Variants in MGAT4C observed in about 807,000 individuals in gnomAD.
The protein encoded by MGAT4C is MGAT4 family member C.
Under a neutral mutation model 40.1 loss-of-function variants are expected in MGAT4C, and 19 were observed. The observed-to-expected ratio is 0.47, with a 90% confidence interval of 0.33 to 0.70. The LOEUF (loss-of-function observed/expected upper bound fraction) is 0.70. Among genes scored for constraint, MGAT4C ranks in the 30% least tolerant of loss-of-function variants. The probability of loss-of-function intolerance (pLI) is 0.02; values close to 1 mark genes in which losing one functional copy is unlikely to be tolerated. For missense variants in MGAT4C, 491 were observed against 563.2 expected (o/e 0.87, Z 1.30); for synonymous variants, 181 against 187.1 (o/e 0.97, Z 0.27).
chr12:86,638,871 A>G (rs1963298928), intron 2 of MGAT4C, among the ~76,000 whole-genome samples: 1 of 151,804 alleles, frequency 6.6e-6, no homozygotes, highest in Admixed American at 6.6e-5. Flanking sequence ...AACTTTTATA[A>G]TAGCATTCAT....
At chr12:86,409,661 T>C (rs1956563495) in intron 3 of MGAT4C, among the ~76,000 whole-genome samples, 1 of 152,154 alleles carries the variant, frequency 6.6e-6, no homozygotes, top group Non-Finnish European at 1.5e-5. Flanking sequence ...CTGGTATGGT[T>C]TAGAATTGTG....
At chr12:86,606,454 C>T (rs1363080290) in intron 2 of MGAT4C, among the ~76,000 whole-genome samples, 1 of 152,052 alleles carries the variant, frequency 6.6e-6, no homozygotes, top group Non-Finnish European at 1.5e-5. Context: ...ATACAGATTG[C>T]CATATTCTTC....
chr12:86,805,533 C>G (rs1952335950), intron 1 of MGAT4C, among the ~76,000 whole-genome samples: 1 of 151,932 alleles, frequency 6.6e-6, no homozygotes, highest in Admixed American at 6.6e-5. Context: ...CATGTTGCTG[C>G]AAAGGGCATA....
chr12:86,043,950 G>A (rs1892139598), intron 2 of MGAT4C, among the ~76,000 whole-genome samples: 1 of 152,184 alleles, frequency 6.6e-6, no homozygotes, highest in Non-Finnish European at 1.5e-5. Context: ...GGACACTTTA[G>A]TTTTTTGAGT....
intron 1 of MGAT4C, among the ~76,000 whole-genome samples, chr12:86,824,065 C>A (rs1952756010): frequency 6.6e-6 from 1 of 151,362 alleles, no homozygotes; most frequent in Admixed American, 6.6e-5. Context: ...CCTGCACCAT[C>A]CTACCCAGAG....
chr12:86,417,161 AT>A (rs955350058), intron 3 of MGAT4C, among the ~76,000 whole-genome samples: 5 of 151,464 alleles, frequency 3.3e-5, no homozygotes, highest in African/African-American at 7.3e-5. Flanking sequence ...ATAGTTGAAT[AT>A]TTTTTTTTCA....
chr12:86,103,895 G>A (rs562890557), intron 1 of MGAT4C, among the ~76,000 whole-genome samples: 6 of 151,952 alleles, frequency 3.9e-5, no homozygotes, highest in African/African-American at 1.4e-4. Context: ...CCATATAGTA[G>A]GTATTTAATA....
chr12:86,620,017 C>T (rs188954287), intron 2 of MGAT4C, among the ~76,000 whole-genome samples: 42 of 152,184 alleles, frequency 2.8e-4, no homozygotes, highest in African/African-American at 1.0e-3. Flanking sequence ...CATCACTAAT[C>T]ACTAATCATA....
At chr12:86,697,585 T>C (rs1045879539) in intron 2 of MGAT4C, among the ~76,000 whole-genome samples, 2 of 152,090 alleles carry the variant, frequency 1.3e-5, no homozygotes, top group African/African-American at 2.4e-5. Flanking sequence ...TTAGAACTTA[T>C]TGCTGTTTCA....
At chr12:86,136,638 G>T (rs781368063) in intron 1 of MGAT4C, among the ~76,000 whole-genome samples, 3 of 152,030 alleles carry the variant, frequency 2.0e-5, no homozygotes, top group Non-Finnish European at 4.4e-5. Flanking sequence ...TTCCTACCCT[G>T]CAAACATTTC....
chr12:86,091,463 T>C (rs1455172095), intron 1 of MGAT4C, among the ~76,000 whole-genome samples: 2 of 151,958 alleles, frequency 1.3e-5, no homozygotes, highest in African/African-American at 4.8e-5. Context: ...AAGCAGAGCA[T>C]AAAGTGGCTA....
chr12:86,573,327 G>A (rs1228694648), intron 2 of MGAT4C, among the ~76,000 whole-genome samples: 1 of 151,932 alleles, frequency 6.6e-6, no homozygotes, highest in Non-Finnish European at 1.5e-5. Flanking sequence ...AACTAAAGGG[G>A]TTATCTGAAA....
chr12:86,079,672 A>C (rs1870457264), intron 1 of MGAT4C, among the ~76,000 whole-genome samples: 1 of 151,910 alleles, frequency 6.6e-6, no homozygotes, highest in African/African-American at 2.4e-5. Context: ...TTACTCAAAA[A>C]CTCCATAATA....
intron 2 of MGAT4C, among the ~76,000 whole-genome samples, chr12:86,633,617 CATTTCAGCT>C (rs1385525406): frequency 1.3e-5 from 2 of 152,104 alleles, no homozygotes; most frequent in Non-Finnish European, 2.9e-5. Flanking sequence ...AAATCCCTAA[CATTTCAGCT>C]TTGCAGTTGT....
At chr12:86,285,144 C>T (rs778587496) in intron 4 of MGAT4C, among the ~76,000 whole-genome samples, 3 of 151,950 alleles carry the variant, frequency 2.0e-5, no homozygotes, top group Non-Finnish European at 4.4e-5. Context: ...TAGAAATGTA[C>T]ATCATCTCCA....
chr12:86,487,896 A>T (rs919299467), intron 2 of MGAT4C, among the ~76,000 whole-genome samples: 1 of 152,208 alleles, frequency 6.6e-6, no homozygotes, highest in Admixed American at 6.6e-5. Flanking sequence ...TTAACATCAT[A>T]AGTTTATATC....
At chr12:86,587,366 T>C (rs903736474) in intron 2 of MGAT4C, among the ~76,000 whole-genome samples, 1 of 152,120 alleles carries the variant, frequency 6.6e-6, no homozygotes, top group Non-Finnish European at 1.5e-5. Flanking sequence ...CCTTGTAGTA[T>C]AGTTTGAAGT....
chr12:86,101,440 G>C (rs1875035446), intron 1 of MGAT4C, among the ~76,000 whole-genome samples: 1 of 151,756 alleles, frequency 6.6e-6, no homozygotes, highest in Non-Finnish European at 1.5e-5. Context: ...AGGATGACTG[G>C]GGATTTTTTA....
At chr12:86,065,867 G>C (rs1487253219) in intron 1 of MGAT4C, among the ~76,000 whole-genome samples, 1 of 152,078 alleles carries the variant, frequency 6.6e-6, no homozygotes, top group African/African-American at 2.4e-5. Flanking sequence ...AATGTCTCAG[G>C]ATACAAAGTC....
Sources: allele counts gnomAD v4.1 joint callset (sites outside exome capture counted in the v4.1 genomes callset), GRCh38; gene constraint gnomAD v4.1.1; transcripts MANE v1.5; gene names NCBI Gene and HGNC (gene_info 2026-07-23, HGNC 2026-07-21).